Variants in AFF3 observed in about 807,000 individuals in gnomAD.
AFF3 encodes the protein AF4/FMR2 family member 3.
A neutral mutation model predicts 129.7 loss-of-function variants in AFF3; 32 were observed. The observed-to-expected ratio is 0.25, with a 90% CI of 0.19 to 0.33. The LOEUF (loss-of-function observed/expected upper bound fraction) is 0.33, where lower values mean the gene tolerates loss of function less well. Ranked by LOEUF, AFF3 falls within the 10% of genes least tolerant of loss-of-function variation. AFF3 has a pLI of 1.00. For synonymous variants in AFF3, 644 were observed against 635.4 expected (o/e 1.01, Z -0.20); for missense variants, 1,373 against 1,592.0 (o/e 0.86, Z 2.34).
chr2:99,696,791 G>A (rs1179218302), intron 11 of AFF3, among the ~76,000 whole-genome samples: 2 of 152,012 alleles, frequency 1.3e-5, no homozygotes, highest in Non-Finnish European at 2.9e-5. Flanking sequence ...CTACAGGCAC[G>A]CGCCACCATG....
At chr2:99,947,599 GAAA>G (rs1675729553) in intron 7 of AFF3, among the ~76,000 whole-genome samples, 1 of 133,134 alleles carries the variant, frequency 7.5e-6, no homozygotes, top group African/African-American at 2.9e-5. Flanking sequence ...AAGAAAGAAA[GAAA>G]GATAGATAGA....
intron 8 of AFF3, among the ~76,000 whole-genome samples, chr2:99,760,909 CT>C (rs1682520363): frequency 6.6e-6 from 1 of 151,182 alleles, no homozygotes; most frequent in South Asian, 2.1e-4. Flanking sequence ...CTTGGGGTTT[CT>C]TAGTCACCTG....
intron 7 of AFF3, among the ~76,000 whole-genome samples, chr2:99,952,076 T>C (rs953909530): frequency 3.3e-5 from 5 of 152,194 alleles, no homozygotes; most frequent in Admixed American, 2.0e-4. Context: ...TCTAGTATGG[T>C]TTGGATCTGT....
chr2:99,593,252 G>A lies in AFF3; in HGVS notation c.2409C>T (p.Ser803=), dbSNP rs1678912305. 6.2e-7 allele frequency: 1 copy of A among 1,611,604 alleles called. No individual in the cohort carries two copies. Among genetic ancestry groups the A allele is most frequent in the South Asian group, 1.1e-5 (1 of 91,008 alleles). The change falls in exon 15 of 25, where the codon AGC becomes AGT. Residue 803 remains serine (S), a synonymous_variant. Coordinates refer to ENST00000672756, the MANE Select transcript of AFF3 (RefSeq NM_001386135.1). ...TTTCTGCAGGTGTGTCCGAGGTGTG[G>A]CTGGGCGGTGCGCTCTCAGAGTCCT... ...ATKDSESAPP[S]HTSDTPAEKA...
intron 8 of AFF3, among the ~76,000 whole-genome samples, chr2:99,800,511 A>T (rs1189514299): frequency 6.6e-6 from 1 of 152,226 alleles, no homozygotes; most frequent in Non-Finnish European, 1.5e-5. Context: ...GTGGGTTTTT[A>T]AGAAAATGTT....
intron 15 of AFF3, among the ~76,000 whole-genome samples, chr2:99,587,719 A>G (rs372415130): frequency 3.7e-4 from 57 of 152,150 alleles, no homozygotes; most frequent in African/African-American, 1.4e-3. Context: ...TGTTTTAAAA[A>G]TTCTTGCTTT....
intron 4 of AFF3, among the ~76,000 whole-genome samples, chr2:100,053,871 G>A (rs929832605): frequency 6.6e-5 from 10 of 152,302 alleles, no homozygotes; most frequent in South Asian, 4.1e-4. Context: ...TGTACAAAAG[G>A]AAGAGCTCAC....
At chr2:99,599,564 TG>T (rs1679619369) in intron 14 of AFF3, among the ~76,000 whole-genome samples, 1 of 152,196 alleles carries the variant, frequency 6.6e-6, no homozygotes, top group Admixed American at 6.5e-5. Flanking sequence ...CCAACTGTAC[TG>T]GTCTTAAATG....
intron 7 of AFF3, among the ~76,000 whole-genome samples, chr2:99,890,192 G>A (rs1693445148): frequency 6.6e-6 from 1 of 152,188 alleles, no homozygotes; most frequent in African/African-American, 2.4e-5. Context: ...GCGGTGCTCT[G>A]TGAATTTTCT....
At chr2:100,035,079 T>C (rs531994067) in intron 4 of AFF3, among the ~76,000 whole-genome samples, 2 of 152,278 alleles carry the variant, frequency 1.3e-5, no homozygotes, top group African/African-American at 2.4e-5. Context: ...AATACACCTG[T>C]CCAACCATGG....
At chr2:99,818,139 A>G (rs1036762253) in intron 8 of AFF3, among the ~76,000 whole-genome samples, 1 of 152,136 alleles carries the variant, frequency 6.6e-6, no homozygotes, top group Non-Finnish European at 1.5e-5. Context: ...CCAAAATCTG[A>G]AAGTTTTTGA....
intron 7 of AFF3, among the ~76,000 whole-genome samples, chr2:99,849,235 T>C (rs917553921): frequency 2.6e-5 from 4 of 152,244 alleles, no homozygotes; most frequent in African/African-American, 9.6e-5. Context: ...CCACTTTACA[T>C]GGCAGCCCCA....
chr2:99,647,760 G>A (rs1684824033), intron 13 of AFF3, among the ~76,000 whole-genome samples: 1 of 152,208 alleles, frequency 6.6e-6, no homozygotes, highest in Non-Finnish European at 1.5e-5. Flanking sequence ...GACCAATTCT[G>A]AATAGAAAAA....
intron 4 of AFF3, among the ~76,000 whole-genome samples, chr2:100,063,252 CAA>C (rs33964775): frequency 9.8e-6 from 1 of 101,760 alleles, no homozygotes; most frequent in Non-Finnish European, 1.9e-5. Flanking sequence ...AACTCCATCT[CAA>C]AAAAAAAAAA....
At chr2:100,030,158 G>T (rs1291426625) in intron 4 of AFF3, among the ~76,000 whole-genome samples, 1 of 151,928 alleles carries the variant, frequency 6.6e-6, no homozygotes, top group Non-Finnish European at 1.5e-5. Flanking sequence ...AAGTAGACTT[G>T]AGCCTTAAAA....
At chr2:100,115,409 A>C (rs1006606602) in intron 2 of AFF3, among the ~76,000 whole-genome samples, 2 of 152,104 alleles carry the variant, frequency 1.3e-5, no homozygotes, top group African/African-American at 4.8e-5. Flanking sequence ...ATAGCTGGGC[A>C]TGGTGATAGG....
intron 4 of AFF3, among the ~76,000 whole-genome samples, chr2:100,051,143 A>G (rs1686294891): frequency 6.6e-6 from 1 of 152,092 alleles, no homozygotes; most frequent in South Asian, 2.1e-4. Flanking sequence ...TCATTCAGGT[A>G]GTCTTCTTTA....
intron 8 of AFF3, among the ~76,000 whole-genome samples, chr2:99,823,482 G>C (rs1463443447): frequency 6.6e-6 from 1 of 152,164 alleles, no homozygotes; most frequent in African/African-American, 2.4e-5. Context: ...TTTACATGTA[G>C]AAATAAATCT....
At chr2:100,011,235 C>T (rs1682517178) in intron 4 of AFF3, among the ~76,000 whole-genome samples, 1 of 152,180 alleles carries the variant, frequency 6.6e-6, no homozygotes, top group Non-Finnish European at 1.5e-5. Flanking sequence ...GATTGCGCCA[C>T]TGCACTCCAG....
Sources: gnomAD v4.1 joint callset for allele counts (sites outside exome capture counted in the v4.1 genomes callset) on GRCh38, gnomAD v4.1.1 for gene constraint, MANE v1.5 for transcripts, NCBI Gene and HGNC (gene_info 2026-07-23, HGNC 2026-07-21) for gene names.